Variants in GPD1L observed in about 807,000 individuals in gnomAD.
GPD1L encodes glycerol-3-phosphate dehydrogenase 1-like protein.
In GPD1L, 17 loss-of-function variants were observed where a neutral mutation model predicts 32.9. That is an observed-to-expected ratio of 0.52 (90% CI 0.35 to 0.78). The LOEUF (loss-of-function observed/expected upper bound fraction) is 0.78, where lower values mean the gene tolerates loss of function less well. Ranked by LOEUF, GPD1L falls within the 30% of genes least tolerant of loss-of-function variation. GPD1L has a pLI of 0.01. For missense variants in GPD1L, 361 were observed against 447.8 expected (o/e 0.81, Z 1.75); for synonymous variants, 187 against 165.9 (o/e 1.13, Z -0.98).
chr3:32,130,828 C>G lies in GPD1L; in HGVS notation c.225+2575C>G, dbSNP rs571854830. 2.0e-5 allele frequency among the ~76,000 whole-genome samples: 3 copies of G among 152,164 alleles called. No homozygotes were observed. In the South Asian group the frequency reaches 6.2e-4, roughly 32 times the overall value. On this transcript the variant is annotated intron_variant, in intron 2 of 7. Coordinates refer to ENST00000282541, the MANE Select transcript of GPD1L (RefSeq NM_015141.4). Reference sequence around the variant, plus strand: ...AGGAGCTCGAGACCACCCTGGCCAACATGGCAAAACCTCATCTCTACTAAA... The same window carrying G: ...AGGAGCTCGAGACCACCCTGGCCAAGATGGCAAAACCTCATCTCTACTAAA...
intron 7 of GPD1L, among the ~76,000 whole-genome samples, chr3:32,160,165 AGGATGGGATG>A (rs1553662928): frequency 7.2e-6 from 1 of 139,686 alleles, no homozygotes; most frequent in African/African-American, 2.6e-5. Flanking sequence ...GATGGGGCTT[AGGATGGGATG>A]GGATGGGATG....
chr3:32,123,938 A>G (rs1210159617), intron 1 of GPD1L, among the ~76,000 whole-genome samples: 2 of 152,210 alleles, frequency 1.3e-5, no homozygotes, highest in East Asian at 1.9e-4. Context: ...CAGGTCCCCA[A>G]CTATGACCTG....
At chr3:32,107,785 T>C (rs942822631) in intron 1 of GPD1L, among the ~76,000 whole-genome samples, 1 of 152,214 alleles carries the variant, frequency 6.6e-6, no homozygotes, top group African/African-American at 2.4e-5. Context: ...CACTTTTCCA[T>C]CCCAGCAAGG....
chr3:32,158,572 A>AGTTT (rs1447848556), intron 5 of GPD1L: 2 of 530,424 alleles, frequency 3.8e-6, no homozygotes, highest in African/African-American at 3.8e-5. Flanking sequence ...AAAGTAAAGT[A>AGTTT]GTTTGTCCAA....
At chr3:32,136,094 G>C (rs1325735229) in intron 2 of GPD1L, among the ~76,000 whole-genome samples, 1 of 152,180 alleles carries the variant, frequency 6.6e-6, no homozygotes, top group African/African-American at 2.4e-5. Context: ...CTGGCTTCAG[G>C]TGTAGCCTGA....
At chr3:32,127,947 C>T (rs760035376) in intron 1 of GPD1L, 129 bp from the exon 2 acceptor site, 117 of 729,508 alleles carry the variant, frequency 1.6e-4, no homozygotes, top group Non-Finnish European at 4.6e-5. Flanking sequence ...GGCTGATACA[C>T]GTCACATCTT....
chr3:32,146,507 C>A, intron 4 of GPD1L, 115 bp from the exon 5 acceptor site: 1 of 719,708 alleles, frequency 1.4e-6, no homozygotes. Context: ...TCTAAATATC[C>A]TATCATGAAC....
Position 32,134,571 on chromosome 3 carries a change from C to A in GPD1L, c.226-4016C>A, listed in dbSNP as rs867524885. ...GTGCAATCACAACTTTTTGCAGCCTCGACCTCCTGGGCTCAAGTGATCCTC... is the reference window on the plus strand; with the variant it reads ...GTGCAATCACAACTTTTTGCAGCCTAGACCTCCTGGGCTCAAGTGATCCTC... On this transcript the variant is annotated intron_variant, in intron 2 of 7. Transcript: ENST00000282541. Among the ~76,000 whole-genome samples, 36 of 152,224 alleles carry A rather than the reference C, an allele frequency of 2.4e-4. 1 individual carries two copies. The highest frequency in any genetic ancestry group is 5.0e-4 in the Non-Finnish European group (34 of 68,042).
intron 1 of GPD1L, among the ~76,000 whole-genome samples, chr3:32,122,555 T>C (rs1302778597): frequency 6.6e-6 from 1 of 152,234 alleles, no homozygotes; most frequent in Non-Finnish European, 1.5e-5. Context: ...CAATTCATTA[T>C]TTCATGGGTA....
Position 32,128,222 on chromosome 3 carries a change from A to G in GPD1L, c.194A>G (p.Tyr65Cys). The G allele has an allele frequency of 1.2e-6, 2 of 1,613,960 alleles. No individual in the cohort carries two copies. The highest frequency in any genetic ancestry group is 1.1e-5 in the South Asian group (1 of 91,076). ...AATAATGACCATGAAAATGTAAAAT[A>G]TCTTCCTGGACACAAGCTGCCAGAA... ...IINNDHENVK[Y>C]LPGHKLPENV... Residue 65 changes from tyrosine (Y) to cysteine (C), a missense_variant, in exon 2 of 8, where the codon TAT becomes TGT. Tyr to Cys is a radical substitution (Grantham distance 194, BLOSUM62 -2). Transcript: ENST00000282541.
At position 32,166,202 on chromosome 3, in the gene GPD1L, C is replaced by T; in HGVS notation, c.*292C>T. ...TTTTCAAAATTGCTTATGAAATTTC[C>T]ACACAATCGTAGCTTATAAGATTGG... On this transcript the variant is annotated 3_prime_UTR_variant, in exon 8 of 8. Transcript: ENST00000282541. 2.3e-6 allele frequency: 1 copy of T among 442,120 alleles called. No homozygotes were observed. Among genetic ancestry groups the T allele is most frequent in the Non-Finnish European group, 4.2e-6 (1 of 239,614 alleles). The allele number at this position is 442,120 out of a possible 1,614,324, so 27.4% of individuals were successfully genotyped here.
chr3:32,122,479 A>C (rs1435853381), intron 1 of GPD1L, among the ~76,000 whole-genome samples: 8 of 152,288 alleles, frequency 5.3e-5, no homozygotes, highest in African/African-American at 1.9e-4. Context: ...GTTCCTTTTA[A>C]ATTTTATTTG....
Position 32,145,583 on chromosome 3 carries a change from G to C in GPD1L, c.506-1039G>C, listed in dbSNP as rs185832362. Among the ~76,000 whole-genome samples the C allele has an allele frequency of 5.9e-3, 896 of 152,184 alleles. 8 individuals carry two copies. The highest frequency in any genetic ancestry group is 0.02 in the African/African-American group (840 of 41,506). ...ATGGCTGGATTAAAGTGACTTGAGG[G>C]AGGGGCTGGTCTGCAATGTTCAGGA... On this transcript the variant is annotated intron_variant, in intron 4 of 7. Coordinates refer to ENST00000282541, the MANE Select transcript of GPD1L (RefSeq NM_015141.4).
chr3:32,128,249 A>G lies in GPD1L; in HGVS notation c.221A>G (p.Asn74Ser). 6.2e-7 allele frequency: 1 copy of G among 1,612,874 alleles called. No homozygotes were observed. The highest frequency in any genetic ancestry group is 8.5e-7 in the Non-Finnish European group (1 of 1,178,928). The change falls in exon 2 of 8, where the codon AAT becomes AGT. Residue 74 changes from asparagine (N) to serine (S), a missense_variant. Asn to Ser is a conservative substitution (Grantham distance 46). Coordinates refer to ENST00000282541, the MANE Select transcript of GPD1L (RefSeq NM_015141.4). ...CTTCCTGGACACAAGCTGCCAGAAAATGTGGTAAGACTTTGGGGTGAAATG... is the reference window on the plus strand; with the variant it reads ...CTTCCTGGACACAAGCTGCCAGAAAGTGTGGTAAGACTTTGGGGTGAAATG... ...KYLPGHKLPE[N>S]VVAMSNLSEA...
chr3:32,166,427 C>T lies in GPD1L; in HGVS notation c.*517C>T, dbSNP rs899746269. 1.9e-4 allele frequency: 31 copies of T among 163,808 alleles called. No homozygotes were observed. The South Asian group carries it at 5.0e-3, about 27-fold the overall frequency. 10.1% of individuals were successfully genotyped at this position (163,808 alleles called of 1,614,324 possible). ...TTAACTACTTTGATTGTGGGCTGAC[C>T]TTTGTTTTTTTAACAATCAGGCATT... On this transcript the variant is annotated 3_prime_UTR_variant, in exon 8 of 8. Transcript: ENST00000282541.
chr3:32,121,622 T>TATTTCTATATA lies in GPD1L; in HGVS notation c.48-6451_48-6450insTCTATATAATT. On this transcript the variant is annotated intron_variant, in intron 1 of 7. Coordinates refer to ENST00000282541, the MANE Select transcript of GPD1L (RefSeq NM_015141.4). The stretch of plus-strand genomic sequence containing the variant: ...ATATTTCTATATATATTTCTATATA[T>TATTTCTATATA]ATTATATATATTTCTATATATATAA... Among the ~76,000 whole-genome samples, 3 of 81,944 alleles carry TATTTCTATATA rather than the reference T, an allele frequency of 3.7e-5. 1 individual carries two copies. In the East Asian group the frequency reaches 1.4e-3, roughly 39 times the overall value. The allele number at this position is 81,944 out of a possible 152,430, so 53.8% of individuals were successfully genotyped here. A position where few individuals can be genotyped will look rare whatever the true frequency, so the allele number is the denominator to read the frequency against.
Position 32,128,194 on chromosome 3 carries a change from A to G in GPD1L, c.166A>G (p.Ile56Val). The stretch of plus-strand genomic sequence containing the variant: ...GAATGGCAGAAAACTGACAGACATC[A>G]TAAATAATGACCATGAAAATGTAAA... ...TVNGRKLTDI[I>V]NNDHENVKYL... The change falls in exon 2 of 8, where the codon ATA (isoleucine) becomes GTA (valine). Residue 56 changes from isoleucine to valine, a missense_variant. Physicochemically the swap from Ile to Val is conservative, Grantham distance 29. Coordinates refer to ENST00000282541, the MANE Select transcript of GPD1L (RefSeq NM_015141.4). The G allele has an allele frequency of 5.0e-6, 8 of 1,613,696 alleles. No individual in the cohort carries two copies. The highest frequency in any genetic ancestry group is 5.9e-6 in the Non-Finnish European group (7 of 1,179,574).
Position 32,115,758 on chromosome 3 carries a change from C to CTTTT in GPD1L, c.47+9045_47+9048dup, listed in dbSNP as rs539068850. Among the ~76,000 whole-genome samples the CTTTT allele has an allele frequency of 2.2e-4, 10 of 45,086 alleles. 3 individuals are homozygous for CTTTT. The highest frequency in any genetic ancestry group is 3.4e-4 in the Non-Finnish European group (7 of 20,538). 29.6% of individuals were successfully genotyped at this position (45,086 alleles called of 152,430 possible). A position where few individuals can be genotyped will look rare whatever the true frequency, so the allele number is the denominator to read the frequency against. Reference sequence around the variant, plus strand: ...CTAAACCCTTTTCGTGTACGTTGAACTTTTTTTTTTTTTTTTTTTTTTTTT... The same window carrying CTTTT: ...CTAAACCCTTTTCGTGTACGTTGAACTTTTTTTTTTTTTTTTTTTTTTTTTTTTT... On this transcript the variant is annotated intron_variant, in intron 1 of 7. Transcript: ENST00000282541.
At position 32,165,354 on chromosome 3, in the gene GPD1L, C is replaced by T. The variant is rs540328906; in HGVS notation, c.960-460C>T. On this transcript the variant is annotated intron_variant, in intron 7 of 7. Transcript: ENST00000282541. ...GCTTTGCTAATCGTGGGTCCTCACTCGGATTCTTGCGGGAGCATTCCAGCC... is the reference window on the plus strand; with the variant it reads ...GCTTTGCTAATCGTGGGTCCTCACTTGGATTCTTGCGGGAGCATTCCAGCC... Among the ~76,000 whole-genome samples, 9 of 152,346 alleles carry T rather than the reference C, an allele frequency of 5.9e-5. 1 individual carries two copies. The highest frequency in any genetic ancestry group is 5.8e-4 in the East Asian group (3 of 5,192).
Sources: gnomAD v4.1 joint callset for allele counts (sites outside exome capture counted in the v4.1 genomes callset) on GRCh38, gnomAD v4.1.1 for gene constraint, MANE v1.5 for transcripts, NCBI Gene and HGNC (gene_info 2026-07-23, HGNC 2026-07-21) for gene names.